The following MIB2 variants were observed in gnomAD, a reference collection of about 807,000 sequenced individuals.
MIB2 encodes MIB E3 ubiquitin protein ligase 2, also known as E3 ubiquitin-protein ligase MIB2.
In MIB2, 78 loss-of-function variants were observed where a neutral mutation model predicts 96.6. The observed-to-expected ratio is 0.81, with a 90% CI of 0.67 to 0.97. The LOEUF is 0.97. MIB2 is among the 50% of genes least tolerant of loss of function. MIB2 has a pLI of 0.00. For missense variants in MIB2, 1,543 were observed against 1,424.0 expected (o/e 1.08, Z -1.35); for synonymous variants, 820 against 629.5 (o/e 1.30, Z -4.53).
chr1:1,627,274 C>T (rs761324297), intron 11 of MIB2, 22 bp from the exon 12 acceptor site: 6 of 1,613,190 alleles, frequency 3.7e-6, no homozygotes, highest in Middle Eastern at 1.6e-4. Context: ...GCCAGGGACT[C>T]ACCTGCTGGC....
At chr1:1,618,777 G>C (rs1643979659) in intron 2 of MIB2, 1 of 152,294 alleles carries the variant, frequency 6.6e-6, no homozygotes, top group South Asian at 2.1e-4. Context: ...CCTCGATGCT[G>C]GGCTGGATCC....
In MIB2 at chr1:1,625,580, C is replaced by T. The variant is rs1328559487; in HGVS notation, c.899C>T (p.Thr300Met). 5 of 1,584,996 alleles carry T rather than the reference C, an allele frequency of 3.2e-6. No individual in the cohort carries two copies. The highest frequency in any genetic ancestry group is 4.6e-5 in the East Asian group (2 of 43,272). ...CAGACGGGCACCGTGCATCGTATCACGGACCGCGGGGACGTGCGCGTGCAG... is the reference window on the plus strand; with the variant it reads ...CAGACGGGCACCGTGCATCGTATCATGGACCGCGGGGACGTGCGCGTGCAG... ...IGQTGTVHRI[T>M]DRGDVRVQFN... The change falls in exon 8 of 20, where the codon ACG becomes ATG. Residue 300 changes from threonine (T) to methionine (M), a missense_variant. Physicochemically the swap from Thr to Met is moderately conservative, Grantham distance 81 (BLOSUM62 -1). Coordinates refer to ENST00000355826, the MANE Select transcript of MIB2 (RefSeq NM_001170687.4). This position sits in a 1 kb window ranked among gnomAD's most constrained non-coding sequence, Gnocchi z 5.0.
upstream of MIB2, chr1:1,615,029 G>A (rs1643461591): frequency 6.4e-6 from 1 of 157,454 alleles, no homozygotes; most frequent in Non-Finnish European, 1.4e-5. Flanking sequence ...AAAAAAAAAA[G>A]AAAGAAAGAA....
In MIB2 at chr1:1,623,633, C is replaced by T. The variant is rs375014730; in HGVS notation, c.181C>T (p.Arg61Cys). 113 of 1,480,280 alleles carry T rather than the reference C, an allele frequency of 7.6e-5. No individual in the cohort carries two copies. The highest frequency in any genetic ancestry group is 3.4e-4 in the African/African-American group (24 of 71,184). The allele number at this position is 1,480,280 out of a possible 1,614,324, so 91.7% of individuals were successfully genotyped here. The change falls in exon 3 of 20, where the codon CGC becomes TGC. Residue 61 changes from arginine (R) to cysteine (C), a missense_variant. Arg to Cys is a radical substitution (Grantham distance 180). Coordinates refer to ENST00000355826, the MANE Select transcript of MIB2 (RefSeq NM_001170687.4). The stretch of plus-strand genomic sequence containing the variant: ...GGTCGTGCAGTGGGACCAGGGCACG[C>T]GCACCAACTACCGCGCCGGCTACCA... ...TVVVQWDQGTRTNYRAGYQGA... is the reference protein window; with the variant it reads ...TVVVQWDQGTCTNYRAGYQGA...
intron 18 of MIB2, 30 bp downstream of exon 18, chr1:1,629,596 C>T (rs768616970): frequency 4.5e-6 from 7 of 1,565,514 alleles, no homozygotes; most frequent in Non-Finnish European, 5.2e-6. Flanking sequence ...GTGGGGAGGC[C>T]CGGCTAGTAG....
rs1004297251 is a variant in MIB2, at chr1:1,629,068, C to A, written c.2203-65C>A. On this transcript the variant is annotated intron_variant, in intron 16 of 19. Coordinates refer to ENST00000355826, the MANE Select transcript of MIB2 (RefSeq NM_001170687.4). ...GCCGGCTGCTGGGGCTGCCAGGTGC[C>A]AGGAGACGCCTCCCTCGGGCCTGCC... 1.6e-5 allele frequency: 22 copies of A among 1,365,742 alleles called. No individual in the cohort carries two copies. In the African/African-American group the frequency reaches 3.2e-4, roughly 20 times the overall value. 84.6% of individuals were successfully genotyped at this position (1,365,742 alleles called of 1,614,324 possible).
rs371827640 is a variant in MIB2, at chr1:1,627,721, G to A, written c.1572G>A (p.Ala524=). The A allele has an allele frequency of 8.8e-5, 140 of 1,595,060 alleles. No individual in the cohort carries two copies. The highest frequency in any genetic ancestry group is 3.3e-4 in the Middle Eastern group (2 of 6,074). The change falls in exon 13 of 20, where the codon GCG becomes GCA. Residue 524 remains alanine (A), a synonymous_variant. Transcript: ENST00000355826. ...TGCTCCTGAGTGCTGGGTGCCGGGCGGACGCCATCAACAGCACCCAGAGCA... is the reference window on the plus strand; with the variant it reads ...TGCTCCTGAGTGCTGGGTGCCGGGCAGACGCCATCAACAGCACCCAGAGCA... ...TRVLLSAGCR[A]DAINSTQSTA...
chr1:1,626,561 G>T lies in MIB2; in HGVS notation c.973-89G>T, dbSNP rs896759294. ...GGGCCGAGTCAGGCCTGCCTGTCTCGTGGAGCTCAGCAGGTTGCCCTCCTG... is the reference window on the plus strand; with the variant it reads ...GGGCCGAGTCAGGCCTGCCTGTCTCTTGGAGCTCAGCAGGTTGCCCTCCTG... On this transcript the variant is annotated intron_variant, in intron 8 of 19. Coordinates refer to ENST00000355826, the MANE Select transcript of MIB2 (RefSeq NM_001170687.4). The surrounding 1 kb of genome is among the most constrained non-coding windows in gnomAD (Gnocchi z 5.3). 4 of 1,150,252 alleles carry T rather than the reference G, an allele frequency of 3.5e-6. No homozygotes were observed. Among genetic ancestry groups the T allele is most frequent in the African/African-American group, 3.1e-5 (2 of 63,802 alleles). The allele number at this position is 1,150,252 out of a possible 1,614,324, so 71.3% of individuals were successfully genotyped here. A position where few individuals can be genotyped will look rare whatever the true frequency, so the allele number is the denominator to read the frequency against.
Position 1,628,331 on chromosome 1 carries a change from G to A in MIB2, c.1900G>A (p.Gly634Ser), listed in dbSNP as rs758055496. The A allele has an allele frequency of 1.4e-5, 22 of 1,612,828 alleles. No individual in the cohort carries two copies. Among genetic ancestry groups the A allele is most frequent in the Non-Finnish European group, 1.7e-5 (20 of 1,179,918 alleles). ...RQLVDAKKED[G>S]FTALHLAALN... Reference sequence around the variant, plus strand: ...GCTGGTGGACGCCAAGAAGGAGGACGGCTTCACGGCGCTGCATCTGGCTGC... The same window carrying A: ...GCTGGTGGACGCCAAGAAGGAGGACAGCTTCACGGCGCTGCATCTGGCTGC... The change falls in exon 15 of 20, where the codon GGC becomes AGC. Residue 634 changes from glycine to serine, a missense_variant. Transcript: ENST00000355826.
Position 1,628,143 on chromosome 1 carries a change from C to T in MIB2, c.1805C>T (p.Thr602Ile). 3.7e-6 allele frequency: 6 copies of T among 1,613,440 alleles called. No homozygotes were observed. Among genetic ancestry groups the T allele is most frequent in the Non-Finnish European group, 5.1e-6 (6 of 1,180,006 alleles). The change falls in exon 14 of 20, where the codon ACC becomes ATC. Residue 602 changes from threonine (T) to isoleucine (I), a missense_variant. By Grantham distance (89) the Thr-to-Ile change is moderately conservative. Coordinates refer to ENST00000355826, the MANE Select transcript of MIB2 (RefSeq NM_001170687.4). Reference protein sequence around the residue: ...DVTATNSQGFTLLHHASLKGH... With the variant: ...DVTATNSQGFILLHHASLKGH... ...ACCGCCACCAACAGCCAGGGTTTCA[C>T]CCTGCTGCACCATGCCTCCCTCAAG...
In MIB2 at chr1:1,628,667, C is replaced by T. The variant is rs527899766; in HGVS notation, c.2147C>T (p.Pro716Leu). Residue 716 changes from proline (P) to leucine (L), a missense_variant, in exon 16 of 20, where the codon CCC becomes CTC. By Grantham distance (98) the Pro-to-Leu change is moderately conservative. Transcript: ENST00000355826. ...HVALQRHQLL[P>L]LVADGAGGDP... ...GCGCTGCAGCGTCATCAGCTGCTGC[C>T]CCTGGTGGCTGATGGGGCCGGGGGG... The T allele has an allele frequency of 7.6e-6, 12 of 1,586,102 alleles. No homozygotes were observed. In the East Asian group the frequency reaches 1.4e-4, roughly 18 times the overall value.
intron 2 of MIB2, 93 bp downstream of exon 2, chr1:1,616,707 G>A (rs924046554): frequency 1.3e-5 from 13 of 1,002,424 alleles, no homozygotes; most frequent in Non-Finnish European, 1.9e-5. Flanking sequence ...CTGTGTTTGT[G>A]TCTGAGCATG....
At chr1:1,629,602 A>C (rs1638315649) in intron 18 of MIB2, 36 bp downstream of exon 18, 1 of 1,567,992 alleles carries the variant, frequency 6.4e-7, no homozygotes. Flanking sequence ...AGGCCCGGCT[A>C]GTAGGGCCGC....
intron 2 of MIB2, among the ~76,000 whole-genome samples, chr1:1,622,792 C>G (rs1644376880): frequency 6.6e-6 from 1 of 152,222 alleles, no homozygotes; most frequent in African/African-American, 2.4e-5. Flanking sequence ...CTGCACTGTC[C>G]CTGACGTGCA....
Position 1,615,615 on chromosome 1 carries a change from G to A in MIB2, c.-148G>A, listed in dbSNP as rs749161006. On this transcript the variant is annotated 5_prime_UTR_variant, in exon 1 of 20. Transcript: ENST00000355826. Reference sequence around the variant, plus strand: ...CTCCTAGGTCACTGGCGCGATGCGGGCCGTCCTCTCGGCTGATGGTGCGTG... The same window carrying A: ...CTCCTAGGTCACTGGCGCGATGCGGACCGTCCTCTCGGCTGATGGTGCGTG... 2.2e-5 allele frequency: 35 copies of A among 1,570,904 alleles called. 1 individual carries two copies. In the South Asian group the frequency reaches 3.3e-4, roughly 15 times the overall value.
intron 1 of MIB2, 94 bp downstream of exon 1, chr1:1,615,727 C>T: frequency 6.7e-7 from 1 of 1,490,962 alleles, no homozygotes; most frequent in Non-Finnish European, 8.9e-7. Flanking sequence ...CCGGTTCCCG[C>T]TCCCGCTGGC....
intron 1 of MIB2, chr1:1,616,133 G>C (rs1643624235): frequency 2.0e-6 from 2 of 980,660 alleles, no homozygotes; most frequent in African/African-American, 3.5e-5. Flanking sequence ...TCTGGCAGCG[G>C]ACAGGGCCGG....
rs779026161 is a variant in MIB2 at position 1,628,607 on chromosome 1, C to T, written c.2087C>T (p.Ala696Val). The change falls in exon 16 of 20, where the codon GCC becomes GTC. Residue 696 changes from alanine (A) to valine (V), a missense_variant. Physicochemically the swap from Ala to Val is moderately conservative, Grantham distance 64. Coordinates refer to ENST00000355826, the MANE Select transcript of MIB2 (RefSeq NM_001170687.4). ...GTGGACGCTGGGTGCAGTGTCAACG[C>T]CGAGGACGAGGAGGGGGACACAGCC... Reference protein sequence around the residue: ...LLVDAGCSVNAEDEEGDTALH... With the variant: ...LLVDAGCSVNVEDEEGDTALH... 2.1e-5 allele frequency: 34 copies of T among 1,599,666 alleles called. No individual in the cohort carries two copies. In the East Asian group the frequency reaches 5.2e-4, roughly 24 times the overall value.
chr1:1,628,839 G>A (rs921191618), intron 16 of MIB2, 117 bp downstream of exon 16: 15 of 968,726 alleles, frequency 1.5e-5, no homozygotes, highest in African/African-American at 3.3e-5. Context: ...GGAGCCAGGC[G>A]TTCTGGGGGT....
Sources: gnomAD v4.1 joint callset for allele counts (sites outside exome capture counted in the v4.1 genomes callset) on GRCh38, gnomAD v4.1.1 for gene constraint, Gnocchi (gnomAD v3.1) non-coding constraint, MANE v1.5 for transcripts, NCBI Gene and HGNC (gene_info 2026-07-23, HGNC 2026-07-21) for gene names.